KCNIP1: variants seen among roughly 807,000 people sequenced by gnomAD.
KCNIP1 encodes the protein A-type potassium channel modulatory protein KCNIP1.
In KCNIP1, 18 loss-of-function variants were observed where a neutral mutation model predicts 33.0. That is an observed-to-expected ratio of 0.55 (90% CI 0.38 to 0.81). The LOEUF (loss-of-function observed/expected upper bound fraction) is 0.81, where lower values mean the gene tolerates loss of function less well. Among genes scored for constraint, KCNIP1 ranks in the 30% least tolerant of loss-of-function variants. KCNIP1 has a pLI of 0.00. For missense variants in KCNIP1, 238 were observed against 271.6 expected (o/e 0.88, Z 0.87); for synonymous variants, 93 against 98.3 (o/e 0.95, Z 0.32).
chr5:170,585,613 C>A (rs1052934066), intron 1 of KCNIP1, among the ~76,000 whole-genome samples: 4 of 152,196 alleles, frequency 2.6e-5, no homozygotes, highest in Admixed American at 6.5e-5. Context: ...TCTCACCCCC[C>A]GCCCCGGAAA....
chr5:170,483,458 A>T (rs1757019926), intron 1 of KCNIP1, among the ~76,000 whole-genome samples: 1 of 152,146 alleles, frequency 6.6e-6, no homozygotes, highest in African/African-American at 2.4e-5. Context: ...CTTTTTCTTT[A>T]AGGATATCTG....
chr5:170,719,538 C>T (rs1197816486), intron 2 of KCNIP1, among the ~76,000 whole-genome samples: 1 of 152,140 alleles, frequency 6.6e-6, no homozygotes, highest in African/African-American at 2.4e-5. Flanking sequence ...CAATCTTATT[C>T]CCAAATCCTG....
At chr5:170,443,766 T>C (rs1284728980) in intron 1 of KCNIP1, among the ~76,000 whole-genome samples, 3 of 152,182 alleles carry the variant, frequency 2.0e-5, no homozygotes, top group African/African-American at 4.8e-5. Flanking sequence ...GGACATCTCA[T>C]GATGCAAATG....
intron 1 of KCNIP1, among the ~76,000 whole-genome samples, chr5:170,364,479 T>C (rs1763602087): frequency 6.6e-6 from 1 of 152,256 alleles, no homozygotes; most frequent in African/African-American, 2.4e-5. Context: ...ATAATCCCCT[T>C]ACTGGAAACT....
At chr5:170,419,636 T>C (rs1755426543) in intron 1 of KCNIP1, among the ~76,000 whole-genome samples, 1 of 152,230 alleles carries the variant, frequency 6.6e-6, no homozygotes, top group Admixed American at 6.5e-5. Flanking sequence ...GCACTTACGA[T>C]GTACCAAGTG....
At chr5:170,385,310 G>A (rs764424302) in intron 1 of KCNIP1, 42 of 1,614,014 alleles carry the variant, frequency 2.6e-5, no homozygotes, top group African/African-American at 2.7e-5. Context: ...GGAGAGCTCA[G>A]TACCTTTTCT....
intron 1 of KCNIP1, among the ~76,000 whole-genome samples, chr5:170,466,888 T>G (rs764145392): frequency 6.6e-6 from 1 of 152,202 alleles, no homozygotes; most frequent in Non-Finnish European, 1.5e-5. Context: ...GTATTCAGTC[T>G]ATAGCAGGAG....
chr5:170,523,600 C>T (rs1223896108), intron 1 of KCNIP1, among the ~76,000 whole-genome samples: 4 of 152,080 alleles, frequency 2.6e-5, no homozygotes, highest in Non-Finnish European at 5.9e-5. Flanking sequence ...CCACCCACTC[C>T]CTTACAGGAG....
At chr5:170,580,932 T>A (rs1757769693) in intron 1 of KCNIP1, among the ~76,000 whole-genome samples, 1 of 152,164 alleles carries the variant, frequency 6.6e-6, no homozygotes, top group South Asian at 2.1e-4. Context: ...CTTGGCAACT[T>A]CTTATTAGGG....
In KCNIP1 at chr5:170,700,894, G is replaced by C. The variant is rs571849522; in HGVS notation, c.62-17864G>C. 1.1e-4 allele frequency among the ~76,000 whole-genome samples: 17 copies of C among 152,278 alleles called. No homozygotes were observed. The South Asian group carries it at 3.3e-3, about 30-fold the overall frequency. ...GAAATTGTTGGTGACAAGCACAAAT[G>C]ACCACCCCAATATAATATTTTGTTT... On this transcript the variant is annotated intron_variant, in intron 1 of 7. Coordinates refer to ENST00000328939, the MANE Select transcript of KCNIP1 (RefSeq NM_014592.4).
chr5:170,493,320 A>G (rs1757245624), intron 1 of KCNIP1, among the ~76,000 whole-genome samples: 1 of 152,166 alleles, frequency 6.6e-6, no homozygotes, highest in South Asian at 2.1e-4. Context: ...AGTAAGAGTC[A>G]ATGCTTTTCA....
At chr5:170,476,472 C>T (rs1756860067) in intron 1 of KCNIP1, among the ~76,000 whole-genome samples, 1 of 152,166 alleles carries the variant, frequency 6.6e-6, no homozygotes, top group African/African-American at 2.4e-5. Flanking sequence ...GTTCCAATCT[C>T]CCCCTTCTTC....
chr5:170,354,295 T>G (rs925701198), intron 1 of KCNIP1, among the ~76,000 whole-genome samples: 1 of 152,180 alleles, frequency 6.6e-6, no homozygotes, highest in Non-Finnish European at 1.5e-5. Flanking sequence ...CAAGAAGTTA[T>G]CCATGGAAGG....
intron 7 of KCNIP1, among the ~76,000 whole-genome samples, chr5:170,734,218 G>GA (rs1764305303): frequency 6.8e-6 from 1 of 147,906 alleles, no homozygotes; most frequent in Admixed American, 6.9e-5. Flanking sequence ...CTGGCTTGAT[G>GA]ACCCATTTCC....
At chr5:170,674,617 G>T (rs1762059919) in intron 1 of KCNIP1, among the ~76,000 whole-genome samples, 2 of 152,190 alleles carry the variant, frequency 1.3e-5, no homozygotes, top group South Asian at 4.1e-4. Context: ...AATGGGCCCT[G>T]CAGGCTGACA....
Position 170,604,244 on chromosome 5 carries a change from G to A in KCNIP1, c.61+99611G>A, listed in dbSNP as rs147502226. Among the ~76,000 whole-genome samples the A allele has an allele frequency of 5.6e-3, 859 of 152,226 alleles. 5 individuals carry two copies. Among genetic ancestry groups the A allele is most frequent in the African/African-American group, 0.02 (812 of 41,514 alleles). ...AGGTCCTCGCTATTAGGATTCTTTCGGTTGCCAGTGACTGAAACCCAGCTG... is the reference window on the plus strand; with the variant it reads ...AGGTCCTCGCTATTAGGATTCTTTCAGTTGCCAGTGACTGAAACCCAGCTG... On this transcript the variant is annotated intron_variant, in intron 1 of 7. Transcript: ENST00000328939.
At chr5:170,612,079 CAT>C (rs1473035578) in intron 1 of KCNIP1, among the ~76,000 whole-genome samples, 1 of 152,208 alleles carries the variant, frequency 6.6e-6, no homozygotes, top group Non-Finnish European at 1.5e-5. Context: ...GTCAGGTTTC[CAT>C]ATGTGCCAGA....
intron 1 of KCNIP1, among the ~76,000 whole-genome samples, chr5:170,482,832 A>C (rs1478068934): frequency 6.6e-6 from 1 of 152,182 alleles, no homozygotes; most frequent in Non-Finnish European, 1.5e-5. Flanking sequence ...CCTTCCACTG[A>C]AACAGCGCTG....
At chr5:170,616,359 G>A (rs931316289) in intron 1 of KCNIP1, among the ~76,000 whole-genome samples, 7 of 152,158 alleles carry the variant, frequency 4.6e-5, no homozygotes, top group Non-Finnish European at 1.0e-4. Context: ...GGGATCAAAG[G>A]GAAAAGGCAT....
Sources: gnomAD v4.1 joint callset for allele counts (sites outside exome capture counted in the v4.1 genomes callset) on GRCh38, gnomAD v4.1.1 for gene constraint, MANE v1.5 for transcripts, NCBI Gene and HGNC (gene_info 2026-07-23, HGNC 2026-07-21) for gene names.